The following NLRP5 variants were observed in gnomAD, a reference collection of about 807,000 sequenced individuals.
NLRP5 encodes the protein NACHT, LRR and PYD domains-containing protein 5.
In NLRP5, 93 loss-of-function variants were observed where a neutral mutation model predicts 113.1. The ratio of observed to expected loss-of-function variants is 0.82; its 90% CI spans 0.70 to 0.98. The LOEUF (loss-of-function observed/expected upper bound fraction) is 0.98, where lower values mean the gene tolerates loss of function less well. Ranked by LOEUF, NLRP5 falls within the 50% of genes least tolerant of loss-of-function variation. The pLI is 0.00. For synonymous variants in NLRP5, 751 were observed against 600.7 expected (o/e 1.25, Z -3.66); for missense variants, 1,808 against 1,514.3 (o/e 1.19, Z -3.22).
At chr19:56,005,246 CAT>C (rs370393839) in intron 2 of NLRP5, among the ~76,000 whole-genome samples, 11,444 of 141,286 alleles carry the variant, frequency 0.081, 534 homozygotes, top group South Asian at 0.12. Flanking sequence ...TATATACACA[CAT>C]ATATATTTAT....
rs1009036051 is a variant in NLRP5, at chr19:56,061,283, T to C, written c.3471-113T>C. On this transcript the variant is annotated intron_variant, in intron 14 of 14. Coordinates refer to ENST00000390649, the MANE Select transcript of NLRP5 (RefSeq NM_153447.4). ...GGTTTAACTCTTTGGGGCACGTTCC[T>C]TAAGAGTACAAGAAAAGGTTTGAGA... 13 of 1,165,706 alleles carry C rather than the reference T, an allele frequency of 1.1e-5. No individual in the cohort carries two copies. In the African/African-American group the frequency reaches 2.0e-4, roughly 18 times the overall value. The allele number at this position is 1,165,706 out of a possible 1,614,324, so 72.2% of individuals were successfully genotyped here. A position where few individuals can be genotyped will look rare whatever the true frequency, so the allele number is the denominator to read the frequency against.
chr19:56,009,061 A>G (rs1982069830), intron 3 of NLRP5, among the ~76,000 whole-genome samples: 1 of 152,044 alleles, frequency 6.6e-6, no homozygotes, highest in Admixed American at 6.6e-5. Context: ...GCCTGGGGCC[A>G]GGTCTAGTGG....
chr19:56,021,925 G>A (rs2123295472), intron 6 of NLRP5, among the ~76,000 whole-genome samples: 1 of 152,288 alleles, frequency 6.6e-6, no homozygotes, highest in Middle Eastern at 3.4e-3. Flanking sequence ...ACGATCTGGT[G>A]GGTGGTGATG....
At chr19:56,014,928 A>G (rs1290158657) in intron 3 of NLRP5, among the ~76,000 whole-genome samples, 2 of 152,070 alleles carry the variant, frequency 1.3e-5, no homozygotes, top group African/African-American at 4.8e-5. Context: ...CAGCTTTACA[A>G]TTTCTGCAAG....
At chr19:56,033,285 T>A (rs562815353) in intron 8 of NLRP5, among the ~76,000 whole-genome samples, 21 of 152,196 alleles carry the variant, frequency 1.4e-4, no homozygotes, top group African/African-American at 5.1e-4. Context: ...GTGCTGATGT[T>A]ACTGAAGCAG....
Position 56,003,720 on chromosome 19 carries a change from G to T in NLRP5, c.67G>T (p.Val23Phe). 1 of 1,592,100 alleles carries T rather than the reference G, an allele frequency of 6.3e-7. No homozygotes were observed. Among genetic ancestry groups the T allele is most frequent in the Non-Finnish European group, 8.5e-7 (1 of 1,170,672 alleles). The stretch of plus-strand genomic sequence containing the variant: ...GCTGCAAGATCCTCTTTTAAGTCTT[G>T]TCACTCTTTCCACAGGTCCTACTTG... The change falls in exon 2 of 15, where the codon GTC (valine) becomes TTC (phenylalanine). Residue 23 changes from valine (V) to phenylalanine (F), a missense_variant. Physicochemically the swap from Val to Phe is conservative, Grantham distance 50. Transcript: ENST00000390649.
chr19:56,027,296 G>A lies in NLRP5; in HGVS notation c.1063G>A (p.Glu355Lys), dbSNP rs906485435. 6.2e-7 allele frequency: 1 copy of A among 1,611,932 alleles called. No homozygotes were observed. Among genetic ancestry groups the A allele is most frequent in the African/African-American group, 1.3e-5 (1 of 74,940 alleles). The change falls in exon 7 of 15, where the codon GAA (glutamate) becomes AAA (lysine). Residue 355 changes from glutamate (E) to lysine (K), a missense_variant. Transcript: ENST00000390649. ...GGTGACGGAGATCATGTCCCGACCA[G>A]AAAGGCTGTTGTTCATCATTGACGG...
Position 56,007,869 on chromosome 19 carries a change from T to TTGTGTGTGTGTGTGTGTG in NLRP5, c.443-916_443-899dup, listed in dbSNP as rs140570438. Among the ~76,000 whole-genome samples the TTGTGTGTGTGTGTGTGTG allele has an allele frequency of 5.1e-4, 44 of 85,992 alleles. 10 individuals are homozygous for TTGTGTGTGTGTGTGTGTG. Among genetic ancestry groups the TTGTGTGTGTGTGTGTGTG allele is most frequent in the African/African-American group, 1.8e-3 (43 of 23,906 alleles). 56.4% of individuals were successfully genotyped at this position (85,992 alleles called of 152,430 possible). A position where few individuals can be genotyped will look rare whatever the true frequency, so the allele number is the denominator to read the frequency against. ...ATGCTTCCAAAGTGTACAAGACAGTTTGTGTGTGTGTGTGTGTGTGCGCGT... is the reference window on the plus strand; with the variant it reads ...ATGCTTCCAAAGTGTACAAGACAGTTTGTGTGTGTGTGTGTGTGTGTGTGTGTGTGTGTGTGTGCGCGT... On this transcript the variant is annotated intron_variant, in intron 2 of 14. Transcript: ENST00000390649.
intron 4 of NLRP5, among the ~76,000 whole-genome samples, chr19:56,016,730 A>G (rs751766965): frequency 6.6e-6 from 1 of 152,202 alleles, no homozygotes; most frequent in Non-Finnish European, 1.5e-5. Flanking sequence ...TTCACTTAAC[A>G]TAATGTCCTC....
intron 8 of NLRP5, 106 bp downstream of exon 8, chr19:56,032,887 G>T (rs1396772884): frequency 3.9e-5 from 44 of 1,120,162 alleles, no homozygotes; most frequent in Non-Finnish European, 4.9e-5. Context: ...GCAGCCTGAG[G>T]GCATAAGTGC....
intron 11 of NLRP5, among the ~76,000 whole-genome samples, chr19:56,042,656 AAGTT>A (rs1249614281): frequency 2.6e-5 from 4 of 152,108 alleles, no homozygotes; most frequent in African/African-American, 9.7e-5. Context: ...TTACATGAGT[AAGTT>A]CTTTAGTGGT....
At chr19:56,034,276 C>T (rs1983232252) in intron 9 of NLRP5, among the ~76,000 whole-genome samples, 2 of 152,182 alleles carry the variant, frequency 1.3e-5, no homozygotes, top group African/African-American at 4.8e-5. Flanking sequence ...ATCCCAGCTA[C>T]TCGGGAGGCT....
upstream of NLRP5, among the ~76,000 whole-genome samples, chr19:55,998,847 G>A (rs1464294600): frequency 4.0e-5 from 6 of 150,650 alleles, no homozygotes; most frequent in African/African-American, 9.8e-5. Context: ...GGTACAATGC[G>A]ATGTTTAGAT....
At chr19:55,997,250 G>A (rs2123254845), upstream of NLRP5, among the ~76,000 whole-genome samples, 1 of 152,094 alleles carries the variant, frequency 6.6e-6, no homozygotes, top group South Asian at 2.1e-4. Flanking sequence ...ATGATCGTGT[G>A]GTTTTTGTCC....
intron 8 of NLRP5, 85 bp downstream of exon 8, chr19:56,032,866 G>A: frequency 7.4e-7 from 1 of 1,356,466 alleles, no homozygotes; most frequent in Non-Finnish European, 1.0e-6. Context: ...CCCATCTGAA[G>A]CCTTTCAAGT....
Position 56,033,532 on chromosome 19 carries a change from C to T in NLRP5, c.2448-10C>T. The T allele has an allele frequency of 6.2e-7, 1 of 1,604,992 alleles. No individual in the cohort carries two copies. The highest frequency in any genetic ancestry group is 8.5e-7 in the Non-Finnish European group (1 of 1,174,572). On this transcript the variant is annotated splice_polypyrimidine_tract_variant and intron_variant, in intron 8 of 14. Coordinates refer to ENST00000390649, the MANE Select transcript of NLRP5 (RefSeq NM_153447.4). ...CCAGTGTCGAATGTGTCTCCCCTTC[C>T]CCATTGCAGGTTTAGAAATGCACAG...
intron 12 of NLRP5, among the ~76,000 whole-genome samples, chr19:56,051,087 T>G (rs1173223632): frequency 2.0e-5 from 3 of 152,240 alleles, no homozygotes; most frequent in Non-Finnish European, 4.4e-5. Context: ...TTGGATGTCT[T>G]CTGGGGTTCT....
At chr19:56,015,385 G>A (rs1030901508) in intron 3 of NLRP5, among the ~76,000 whole-genome samples, 1 of 152,026 alleles carries the variant, frequency 6.6e-6, no homozygotes, top group African/African-American at 2.4e-5. Flanking sequence ...TAGTAGAGAC[G>A]GGGTTTCACC....
In NLRP5 at chr19:56,003,750, A is replaced by T. The variant is rs777017077; in HGVS notation, c.97A>T (p.Ile33Leu). The T allele has an allele frequency of 2.5e-6, 4 of 1,612,894 alleles. No individual in the cohort carries two copies. The African/African-American group carries it at 5.3e-5, about 22-fold the overall frequency. ...TCTTTCCACAGGTCCTACTTGCTCT[A>T]TATTACCAAAGAATCCACTTTTCCC... Residue 33 changes from isoleucine (I) to leucine (L), a missense_variant, in exon 2 of 15, where the codon ATA (isoleucine) becomes TTA (leucine). Ile to Leu is a conservative substitution (Grantham distance 5, BLOSUM62 2). Transcript: ENST00000390649.
Sources: gnomAD v4.1 joint callset for allele counts (sites outside exome capture counted in the v4.1 genomes callset) on GRCh38, gnomAD v4.1.1 for gene constraint, MANE v1.5 for transcripts, NCBI Gene and HGNC (gene_info 2026-07-23, HGNC 2026-07-21) for gene names.